The following TLE1 variants were observed in gnomAD, a reference collection of about 807,000 sequenced individuals.
TLE1 encodes the protein TLE family member 1, transcriptional corepressor.
Under a neutral mutation model 89.8 loss-of-function variants are expected in TLE1, and 21 were observed. The ratio of observed to expected loss-of-function variants is 0.23; its 90% confidence interval spans 0.17 to 0.34. The LOEUF (loss-of-function observed/expected upper bound fraction) is 0.34, where lower values mean the gene tolerates loss of function less well. Ranked by LOEUF, TLE1 falls within the 10% of genes least tolerant of loss-of-function variation. The pLI is 1.00. For synonymous variants in TLE1, 447 were observed against 407.6 expected, an observed-to-expected ratio of 1.10 and a Z score of -1.16; for missense variants, 795 against 1,031.2, an observed-to-expected ratio of 0.77 and a Z score of 3.14.
At chr9:81,592,155 G>A (rs1036316846) in intron 15 of TLE1, among the ~76,000 whole-genome samples, 10 of 152,266 alleles carry the variant, frequency 6.6e-5, no homozygotes, top group African/African-American at 1.4e-4. Context: ...TCAGGAGATC[G>A]AGACCATTCT....
rs570058404 is a variant in TLE1 at position 81,638,933 on chromosome 9, A to AT, written c.373-4633dup. Among the ~76,000 whole-genome samples, 105 of 150,868 alleles carry AT rather than the reference A, an allele frequency of 7.0e-4. 1 individual carries two copies. Among genetic ancestry groups the AT allele is most frequent in the Non-Finnish European group, 1.3e-3 (86 of 67,594 alleles). On this transcript the variant is annotated intron_variant, in intron 6 of 19. Coordinates refer to ENST00000376499, the MANE Select transcript of TLE1 (RefSeq NM_005077.5). ...CGCCACCACACCAGCCGATACATGC[A>AT]TTTTTTTTGAAGCAAAGTCTCACTC...
chr9:81,600,094 G>A (rs1174515414), intron 14 of TLE1: 4 of 745,394 alleles, frequency 5.4e-6, no homozygotes, highest in Non-Finnish European at 2.5e-6. Flanking sequence ...ACTTCTCAAT[G>A]TGCTGGGGCA....
Position 81,613,531 on chromosome 9 carries a change from T to G in TLE1, c.919-10A>C. ...TGCTGGCTTTTTCATGCTGGTGTCA[T>G]TAAACAAATTAAATGAGTATTATTT... On this transcript the variant is annotated splice_polypyrimidine_tract_variant and intron_variant, in intron 11 of 19. Coordinates refer to ENST00000376499, the MANE Select transcript of TLE1 (RefSeq NM_005077.5). 1 of 1,613,632 alleles carries G rather than the reference T, an allele frequency of 6.2e-7. No individual in the cohort carries two copies. Among genetic ancestry groups the G allele is most frequent in the Non-Finnish European group, 8.5e-7 (1 of 1,179,846 alleles).
chr9:81,624,633 C>T (rs897410399), intron 8 of TLE1, among the ~76,000 whole-genome samples: 1 of 152,048 alleles, frequency 6.6e-6, no homozygotes, highest in Non-Finnish European at 1.5e-5. Flanking sequence ...GCCAAGAAAC[C>T]CAAAGTTTTA....
At chr9:81,650,985 C>G (rs958358813) in intron 6 of TLE1, among the ~76,000 whole-genome samples, 1 of 152,148 alleles carries the variant, frequency 6.6e-6, no homozygotes, top group Non-Finnish European at 1.5e-5. Context: ...CAAGCTGAGG[C>G]TCATTCTTTA....
At chr9:81,644,886 C>T (rs1242212079) in intron 6 of TLE1, among the ~76,000 whole-genome samples, 7 of 147,956 alleles carry the variant, frequency 4.7e-5, no homozygotes, top group South Asian at 4.3e-4. Flanking sequence ...CCCAATTACT[C>T]GGGAGGCTGA....
At chr9:81,672,730 G>C (rs1205356586) in intron 4 of TLE1, among the ~76,000 whole-genome samples, 1 of 151,968 alleles carries the variant, frequency 6.6e-6, no homozygotes, top group African/African-American at 2.4e-5. Flanking sequence ...TACCCTGCTT[G>C]TTTTCAAAAT....
chr9:81,617,281 T>C (rs780350569), intron 9 of TLE1, among the ~76,000 whole-genome samples: 13 of 152,178 alleles, frequency 8.5e-5, no homozygotes, highest in Non-Finnish European at 1.8e-4. Flanking sequence ...GGAAAGATAA[T>C]AGATGGCAAT....
chr9:81,673,166 G>C (rs766324350), intron 4 of TLE1, among the ~76,000 whole-genome samples: 23 of 151,808 alleles, frequency 1.5e-4, no homozygotes, highest in African/African-American at 3.9e-4. Context: ...CCAGCTACTC[G>C]GGAGGCTGAG....
intron 6 of TLE1, among the ~76,000 whole-genome samples, chr9:81,640,370 C>T (rs1827953568): frequency 6.6e-6 from 1 of 151,398 alleles, no homozygotes; most frequent in African/African-American, 2.4e-5. Context: ...CTTTCTTAAG[C>T]TGATTCCACT....
rs1823999104 is a variant in TLE1 at position 81,613,586 on chromosome 9, A to C, written c.919-65T>G. The stretch of plus-strand genomic sequence containing the variant: ...TCCAAGCCATATTACACAATTTATC[A>C]CAACAGCAGCTGGGACACTGGGCAC... On this transcript the variant is annotated intron_variant, in intron 11 of 19. Coordinates refer to ENST00000376499, the MANE Select transcript of TLE1 (RefSeq NM_005077.5). 4 of 1,574,182 alleles carry C rather than the reference A, an allele frequency of 2.5e-6. No homozygotes were observed. In the Admixed American group the frequency reaches 6.9e-5, roughly 27 times the overall value.
Position 81,591,050 on chromosome 9 carries a change from G to T in TLE1, c.1584C>A (p.Asn528Lys). Residue 528 changes from asparagine (N) to lysine (K), a missense_variant and splice_region_variant, in exon 16 of 20, where the codon AAC becomes AAA. This residue lies in a region of TLE1 where 214 missense variants were observed against 354.9 expected (regional missense o/e 0.60). Transcript: ENST00000376499. ...TACAGGAACGGATATAATTGTCTCT[G>T]TTCTGTAGAATAAACATAATTCATT... ...KSPVSQLDCL[N>K]RDNYIRSCKL... The T allele has an allele frequency of 1.9e-6, 3 of 1,611,534 alleles. No homozygotes were observed. The East Asian group carries it at 6.7e-5, about 36-fold the overall frequency.
intron 7 of TLE1, 179 bp from the exon 8 acceptor site, chr9:81,633,543 A>G (rs1826976891): frequency 1.3e-6 from 1 of 765,714 alleles, no homozygotes; most frequent in Non-Finnish European, 2.1e-6. Context: ...AAATTACAGT[A>G]TTTTGTAAAC....
At chr9:81,589,857 GCAAA>G (rs902267039) in intron 16 of TLE1, among the ~76,000 whole-genome samples, 3 of 152,170 alleles carry the variant, frequency 2.0e-5, no homozygotes, top group African/African-American at 7.2e-5. Flanking sequence ...ACACTACCCA[GCAAA>G]CAGAAGAGGA....
At chr9:81,617,276 GATAAT>G (rs1304616308) in intron 9 of TLE1, among the ~76,000 whole-genome samples, 3 of 152,114 alleles carry the variant, frequency 2.0e-5, no homozygotes, top group Non-Finnish European at 4.4e-5. Context: ...TTTTTGGAAA[GATAAT>G]AGATGGCAAT....
chr9:81,657,904 AT>A (rs34624864), intron 4 of TLE1, among the ~76,000 whole-genome samples: 2,594 of 133,980 alleles, frequency 0.019, 27 homozygotes, highest in East Asian at 0.044. Flanking sequence ...TACAGACATA[AT>A]TTTTTTTTTT....
chr9:81,613,901 CTTTTCTTTT>C, intron 11 of TLE1, among the ~76,000 whole-genome samples: 1 of 124,610 alleles, frequency 8.0e-6, no homozygotes, highest in East Asian at 3.2e-4. Context: ...GACCCCTTTT[CTTTTCTTTT>C]TTTTTTTTTT....
At chr9:81,680,929 T>TAA (rs550412372) in intron 4 of TLE1, among the ~76,000 whole-genome samples, 54 of 136,246 alleles carry the variant, frequency 4.0e-4, no homozygotes, top group Non-Finnish European at 5.2e-4. Flanking sequence ...CACACAGGGT[T>TAA]AAAAAAAAAA....
At chr9:81,674,399 G>A (rs1260098220) in intron 4 of TLE1, among the ~76,000 whole-genome samples, 8 of 152,200 alleles carry the variant, frequency 5.3e-5, no homozygotes, top group South Asian at 2.1e-4. Context: ...AGGAGCAACC[G>A]GAAGGCCACA....
Sources: gnomAD v4.1 joint callset for allele counts (sites outside exome capture counted in the v4.1 genomes callset) on GRCh38, gnomAD v4.1.1 for gene constraint, gnomAD v4.1.1 regional missense constraint, MANE v1.5 for transcripts, NCBI Gene and HGNC (gene_info 2026-07-23, HGNC 2026-07-21) for gene names.